The following IL23R variants were observed in gnomAD, a reference collection of about 807,000 sequenced individuals.
The protein encoded by IL23R is interleukin-23 receptor.
IL23R carries 34 observed loss-of-function variants against 56.9 expected under a neutral mutation model. The ratio of observed to expected loss-of-function variants is 0.60; its 90% CI spans 0.45 to 0.80. IL23R has a LOEUF of 0.80. Ranked by LOEUF, IL23R falls within the 30% of genes least tolerant of loss-of-function variation. IL23R has a pLI of 0.00. For synonymous variants in IL23R, 230 were observed against 249.2 expected (o/e 0.92, Z 0.73); for missense variants, 635 against 730.0 (o/e 0.87, Z 1.50).
intron 4 of IL23R, among the ~76,000 whole-genome samples, chr1:67,192,544 AC>A (rs1218986003): frequency 6.6e-6 from 1 of 152,150 alleles, no homozygotes; most frequent in Non-Finnish European, 1.5e-5. Flanking sequence ...AAATATCTCC[AC>A]CAAATACAGC....
chr1:67,184,189 C>G (rs903678819), intron 4 of IL23R, among the ~76,000 whole-genome samples: 3 of 151,926 alleles, frequency 2.0e-5, no homozygotes, highest in Non-Finnish European at 4.4e-5. Context: ...GAGCTGAGAT[C>G]ACGCCACTGC....
At chr1:67,179,327 C>A (rs910713241) in intron 3 of IL23R, among the ~76,000 whole-genome samples, 2 of 152,280 alleles carry the variant, frequency 1.3e-5, no homozygotes, top group East Asian at 1.9e-4. Flanking sequence ...GATTCAACTT[C>A]TTCCTGGTTT....
chr1:67,185,472 G>T (rs1647274755), intron 4 of IL23R, among the ~76,000 whole-genome samples: 1 of 151,958 alleles, frequency 6.6e-6, no homozygotes, highest in East Asian at 1.9e-4. Context: ...TTGAGCCACG[G>T]TCTCTGTCGC....
rs894094070 is a variant in IL23R at position 67,242,247 on chromosome 1, A to G, written c.1148+1966A>G. On this transcript the variant is annotated intron_variant, in intron 9 of 10. Coordinates refer to ENST00000347310, the MANE Select transcript of IL23R (RefSeq NM_144701.3). ...ATCAATGTTCTGTTTCTGACTGACT[A>G]TGAGGCAATATATGAACCCTTAAAA... 2.0e-5 allele frequency among the ~76,000 whole-genome samples: 3 copies of G among 152,298 alleles called. No individual in the cohort carries two copies. The East Asian group carries it at 5.8e-4, about 29-fold the overall frequency.
intron 7 of IL23R, among the ~76,000 whole-genome samples, chr1:67,226,291 C>T (rs1195582384): frequency 6.6e-6 from 1 of 152,204 alleles, no homozygotes; most frequent in Admixed American, 6.5e-5. Context: ...TACCCAGGTC[C>T]TTGTCCAGTG....
At chr1:67,208,456 A>G (rs1423425978) in intron 6 of IL23R, among the ~76,000 whole-genome samples, 1 of 152,204 alleles carries the variant, frequency 6.6e-6, no homozygotes, top group African/African-American at 2.4e-5. Flanking sequence ...GACCAGGGTC[A>G]CTGTGCTGTG....
intron 5 of IL23R, among the ~76,000 whole-genome samples, chr1:67,204,769 A>ATC (rs1553290878): frequency 7.0e-6 from 1 of 143,764 alleles, no homozygotes; most frequent in East Asian, 2.1e-4. Flanking sequence ...CTCAATACTG[A>ATC]TTTTTTTTTT....
At chr1:67,168,538 CTTG>C (rs1267236310) in intron 2 of IL23R, among the ~76,000 whole-genome samples, 1 of 152,132 alleles carries the variant, frequency 6.6e-6, no homozygotes, top group Admixed American at 6.5e-5. Flanking sequence ...TCACAAACCA[CTTG>C]TTGATAGTTA....
In IL23R at chr1:67,240,086, AC is replaced by A. The variant is rs1258346056; in HGVS notation, c.1046-91del. On this transcript the variant is annotated intron_variant, in intron 8 of 10. Coordinates refer to ENST00000347310, the MANE Select transcript of IL23R (RefSeq NM_144701.3). ...TTCCCCCCACCCTTTCTCCTTTGAG[AC>A]CTTTGCTTTGAGCAGAGTAAAGAGA... 3.3e-6 allele frequency: 3 copies of A among 918,818 alleles called. No homozygotes were observed. The African/African-American group carries it at 4.9e-5, about 15-fold the overall frequency. The allele number at this position is 918,818 out of a possible 1,614,324, so 56.9% of individuals were successfully genotyped here. A position where few individuals can be genotyped will look rare whatever the true frequency, so the allele number is the denominator to read the frequency against.
At chr1:67,193,086 C>T (rs12562213) in intron 4 of IL23R, among the ~76,000 whole-genome samples, 3,877 of 152,268 alleles carry the variant, frequency 0.025, 56 homozygotes, top group Middle Eastern at 0.041. Flanking sequence ...CTCCTTGCTG[C>T]TCTTTGAACA....
intron 9 of IL23R, among the ~76,000 whole-genome samples, chr1:67,253,824 T>C (rs959018307): frequency 6.6e-6 from 1 of 152,160 alleles, no homozygotes; most frequent in Non-Finnish European, 1.5e-5. Flanking sequence ...TAACACTAAG[T>C]TCATAACTAA....
intron 4 of IL23R, among the ~76,000 whole-genome samples, chr1:67,195,873 G>A (rs1304323721): frequency 1.3e-5 from 2 of 152,158 alleles, no homozygotes; most frequent in Admixed American, 6.5e-5. Flanking sequence ...AATAGCATAA[G>A]GCTGGTTCCT....
At chr1:67,243,226 A>G (rs1427369620) in intron 9 of IL23R, among the ~76,000 whole-genome samples, 1 of 152,152 alleles carries the variant, frequency 6.6e-6, no homozygotes, top group Non-Finnish European at 1.5e-5. Flanking sequence ...ATGGGTTATC[A>G]TAGGTAATTT....
intron 9 of IL23R, among the ~76,000 whole-genome samples, chr1:67,254,725 G>A (rs1409528467): frequency 6.6e-6 from 1 of 152,172 alleles, no homozygotes; most frequent in Non-Finnish European, 1.5e-5. Context: ...AGGATCCATT[G>A]TTAATATGTA....
intron 9 of IL23R, among the ~76,000 whole-genome samples, chr1:67,242,284 C>T (rs1651903056): frequency 6.6e-6 from 1 of 152,198 alleles, no homozygotes; most frequent in African/African-American, 2.4e-5. Context: ...TTCTCACCTG[C>T]ATTGGGCCTT....
intron 9 of IL23R, among the ~76,000 whole-genome samples, chr1:67,253,707 A>G (rs1239739087): frequency 3.3e-5 from 5 of 152,218 alleles, no homozygotes; most frequent in Non-Finnish European, 7.3e-5. Flanking sequence ...TTTAAAATAT[A>G]CTTGATTATG....
rs1442094471 is a variant in IL23R, at chr1:67,258,910, T to A, written c.1672T>A (p.Cys558Ser). The change falls in exon 11 of 11, where the codon TGC becomes AGC. Residue 558 changes from cysteine to serine, a missense_variant. By Grantham distance (112) the Cys-to-Ser change is moderately radical. Transcript: ENST00000347310. ...AAGCCTCATATTAAATCAAGGAGAA[T>A]GCAGTTCTCCTGACATACAAAACTC... ...ELSLILNQGE[C>S]SSPDIQNSVE... 1.2e-6 allele frequency: 2 copies of A among 1,613,100 alleles called. No individual in the cohort carries two copies. The highest frequency in any genetic ancestry group is 8.5e-7 in the Non-Finnish European group (1 of 1,179,212).
intron 9 of IL23R, among the ~76,000 whole-genome samples, chr1:67,241,729 T>C (rs995162005): frequency 5.9e-5 from 9 of 152,194 alleles, no homozygotes; most frequent in Non-Finnish European, 1.2e-4. Context: ...TTTGAGAGAA[T>C]ACAGCATACC....
intron 1 of IL23R, among the ~76,000 whole-genome samples, chr1:67,155,414 C>A (rs10789225): frequency 0.28 from 42,777 of 152,046 alleles, 6,459 homozygotes; most frequent in Admixed American, 0.41. Flanking sequence ...CTCCCTGTCT[C>A]TTTCAGGTAC....
Sources: allele counts gnomAD v4.1 joint callset (sites outside exome capture counted in the v4.1 genomes callset), GRCh38; gene constraint gnomAD v4.1.1; transcripts MANE v1.5; gene names NCBI Gene and HGNC (gene_info 2026-07-23, HGNC 2026-07-21).